The following HIPK3 variants were observed in gnomAD, a reference collection of about 807,000 sequenced individuals.
HIPK3 encodes homeodomain-interacting protein kinase 3.
In HIPK3, 47 loss-of-function variants were observed where a neutral mutation model predicts 124.2. That is an observed-to-expected ratio of 0.38 (90% CI 0.30 to 0.48). HIPK3 has a LOEUF of 0.48. Among genes scored for constraint, HIPK3 ranks in the 20% least tolerant of loss-of-function variants. The pLI, the probability that HIPK3 is intolerant of heterozygous loss-of-function variation, is 0.98. For missense variants in HIPK3, 1,286 were observed against 1,454.3 expected (o/e 0.88, Z 1.88); for synonymous variants, 482 against 515.2 (o/e 0.94, Z 0.87).
chr11:33,287,416 T>A lies in HIPK3; in HGVS notation c.1002T>A (p.Val334=), dbSNP rs1379965669. 6.2e-7 allele frequency: 1 copy of A among 1,614,188 alleles called. No homozygotes were observed. The highest frequency in any genetic ancestry group is 8.5e-7 in the Non-Finnish European group (1 of 1,180,034). The part of the protein sequence containing the change: ...KPENIMLVDP[V]RQPYRVKVID... ...AGAATATTATGTTGGTGGATCCTGTTCGGCAGCCTTACAGGGTTAAAGTAA... is the reference window on the plus strand; with the variant it reads ...AGAATATTATGTTGGTGGATCCTGTACGGCAGCCTTACAGGGTTAAAGTAA... Residue 334 remains valine, a synonymous_variant, in exon 2 of 17, where the codon GTT becomes GTA. Transcript: ENST00000303296.
chr11:33,300,147 C>T (rs1851956057), intron 2 of HIPK3, among the ~76,000 whole-genome samples: 1 of 152,058 alleles, frequency 6.6e-6, no homozygotes, highest in African/African-American at 2.4e-5. Flanking sequence ...CGAGACCAGC[C>T]TGGCCAACAT....
At chr11:33,352,949 A>G in intron 16 of HIPK3, 143 bp from the exon 17 acceptor site, 1 of 567,806 alleles carries the variant, frequency 1.8e-6, no homozygotes. Context: ...TCTCTCCTCT[A>G]GTTATTCTTA....
At chr11:33,303,933 A>G (rs1435055171) in intron 2 of HIPK3, among the ~76,000 whole-genome samples, 1 of 152,042 alleles carries the variant, frequency 6.6e-6, no homozygotes, top group Non-Finnish European at 1.5e-5. Flanking sequence ...TATTTGATAT[A>G]TATGTGTATA....
At chr11:33,332,144 C>A (rs1458640412) in intron 3 of HIPK3, among the ~76,000 whole-genome samples, 1 of 152,318 alleles carries the variant, frequency 6.6e-6, no homozygotes. Context: ...GGTTTGTGTT[C>A]TAGCCCTTTA....
chr11:33,304,125 G>T (rs1344986220), intron 2 of HIPK3, among the ~76,000 whole-genome samples: 1 of 152,088 alleles, frequency 6.6e-6, no homozygotes, highest in Non-Finnish European at 1.5e-5. Context: ...TATTTTAGTA[G>T]AGACGGGGTG....
At chr11:33,311,650 C>G (rs1245846966) in intron 2 of HIPK3, among the ~76,000 whole-genome samples, 10 of 152,106 alleles carry the variant, frequency 6.6e-5, no homozygotes, top group Non-Finnish European at 1.5e-4. Flanking sequence ...TGATAAACCT[C>G]CATTGATGCA....
At chr11:33,337,225 G>A in intron 4 of HIPK3, 31 bp downstream of exon 4, 2 of 1,367,334 alleles carry the variant, frequency 1.5e-6, no homozygotes, top group South Asian at 2.7e-5. Flanking sequence ...ATATTTAGAA[G>A]ACTAGTTTTC....
intron 3 of HIPK3, among the ~76,000 whole-genome samples, chr11:33,336,253 GA>G (rs908391098): frequency 1.3e-5 from 2 of 152,132 alleles, no homozygotes; most frequent in Non-Finnish European, 2.9e-5. Flanking sequence ...GTTTCAAACA[GA>G]AATATTAAGT....
At chr11:33,315,755 C>CT (rs1852483398) in intron 2 of HIPK3, among the ~76,000 whole-genome samples, 1 of 152,190 alleles carries the variant, frequency 6.6e-6, no homozygotes, top group Non-Finnish European at 1.5e-5. Context: ...GGGCTGTGAA[C>CT]TATATTTGTG....
chr11:33,351,876 C>CT, intron 15 of HIPK3, 33 bp downstream of exon 15: 1 of 1,527,154 alleles, frequency 6.5e-7, no homozygotes, highest in Non-Finnish European at 9.0e-7. Context: ...TCTGGTTGTC[C>CT]TTTAAATACG....
chr11:33,347,580 A>G, intron 9 of HIPK3, 49 bp from the exon 10 acceptor site: 1 of 1,594,036 alleles, frequency 6.3e-7, no homozygotes, highest in Non-Finnish European at 8.6e-7. Context: ...GGTAAAGTTC[A>G]ATTACTTATA....
chr11:33,285,576 AAAATATATAT>A (rs1278871823), intron 1 of HIPK3, among the ~76,000 whole-genome samples: 2 of 56,020 alleles, frequency 3.6e-5, no homozygotes, highest in East Asian at 3.4e-4. Flanking sequence ...TCAAAAAAAA[AAAATATATAT>A]ATATATATAT....
chr11:33,272,677 T>C (rs1039041141), intron 1 of HIPK3, among the ~76,000 whole-genome samples: 15 of 151,942 alleles, frequency 9.9e-5, no homozygotes, highest in Non-Finnish European at 1.8e-4. Flanking sequence ...TCCTTTATTC[T>C]TTTTTCTTTC....
intron 3 of HIPK3, among the ~76,000 whole-genome samples, chr11:33,333,718 C>A (rs917557656): frequency 6.6e-6 from 1 of 152,182 alleles, no homozygotes; most frequent in African/African-American, 2.4e-5. Context: ...CATCTCAACT[C>A]CTGAGGTACA....
intron 1 of HIPK3, among the ~76,000 whole-genome samples, chr11:33,276,090 G>T (rs745687437): frequency 1.3e-5 from 2 of 152,288 alleles, no homozygotes; most frequent in East Asian, 1.9e-4. Context: ...ATAATACAAA[G>T]AATTCCTGTG....
At chr11:33,337,576 G>C (rs1853191895) in intron 4 of HIPK3, among the ~76,000 whole-genome samples, 1 of 151,680 alleles carries the variant, frequency 6.6e-6, no homozygotes, top group Non-Finnish European at 1.5e-5. Flanking sequence ...GGCTGGTCTT[G>C]AACTCCTGAC....
intron 8 of HIPK3, 96 bp from the exon 9 acceptor site, chr11:33,347,197 G>T (rs1590192352): frequency 1.5e-5 from 17 of 1,160,746 alleles, no homozygotes; most frequent in Middle Eastern, 3.0e-4. Context: ...AAAAAAATCT[G>T]TCAGAATCTA....
At chr11:33,261,612 C>A (rs1235109350) in intron 1 of HIPK3, among the ~76,000 whole-genome samples, 1 of 152,136 alleles carries the variant, frequency 6.6e-6, no homozygotes, top group Non-Finnish European at 1.5e-5. Context: ...AAAATCGAGT[C>A]TTCCCATTGA....
intron 1 of HIPK3, among the ~76,000 whole-genome samples, chr11:33,272,410 AAT>A (rs1362045936): frequency 7.3e-5 from 11 of 151,548 alleles, no homozygotes; most frequent in South Asian, 2.1e-4. Context: ...AAAAAAAAAA[AAT>A]AATAATAATT....
Sources: gnomAD v4.1 joint callset for allele counts (sites outside exome capture counted in the v4.1 genomes callset) on GRCh38, gnomAD v4.1.1 for gene constraint, MANE v1.5 for transcripts, NCBI Gene and HGNC (gene_info 2026-07-23, HGNC 2026-07-21) for gene names.